DNAH7: variants seen among roughly 807,000 people sequenced by gnomAD.
DNAH7 encodes dynein axonemal heavy chain 7, also known as axonemal beta dynein heavy chain 7.
A neutral mutation model predicts 444.6 loss-of-function variants in DNAH7; 397 were observed. The observed-to-expected ratio is 0.89, with a 90% CI of 0.82 to 0.97. The LOEUF is 0.97. Among genes scored for constraint, DNAH7 ranks in the 50% least tolerant of loss-of-function variants. DNAH7 has a pLI of 0.00. For missense variants in DNAH7, 4,902 were observed against 4,800.8 expected, an observed-to-expected ratio of 1.02 and a Z score of -0.62; for synonymous variants, 1,636 against 1,624.4, an observed-to-expected ratio of 1.01 and a Z score of -0.17.
intron 14 of DNAH7, 22 bp downstream of exon 14, chr2:195,987,044 A>C: frequency 6.4e-7 from 1 of 1,554,612 alleles, no homozygotes; most frequent in Non-Finnish European, 8.6e-7. Context: ...AAAAAATAAA[A>C]AAACCAGTAT....
intron 15 of DNAH7, among the ~76,000 whole-genome samples, chr2:195,976,142 G>A (rs1692171845): frequency 6.6e-6 from 1 of 151,912 alleles, no homozygotes; most frequent in Non-Finnish European, 1.5e-5. Context: ...CCCAATTCCA[G>A]GCCTTGGCTG....
intron 63 of DNAH7, among the ~76,000 whole-genome samples, chr2:195,749,723 A>G (rs1459734533): frequency 1.3e-5 from 2 of 151,714 alleles, no homozygotes; most frequent in East Asian, 1.9e-4. Flanking sequence ...TCAGTAAACT[A>G]TCGCAAGAAC....
intron 56 of DNAH7, among the ~76,000 whole-genome samples, chr2:195,795,542 A>G (rs1447553551): frequency 6.6e-6 from 1 of 152,242 alleles, no homozygotes; most frequent in African/African-American, 2.4e-5. Context: ...AATAAAAGTG[A>G]AAGAAGTTCA....
chr2:195,864,080 A>C (rs986374831), intron 41 of DNAH7, 69 bp downstream of exon 41: 7 of 1,509,256 alleles, frequency 4.6e-6, no homozygotes, highest in Admixed American at 1.9e-5. Context: ...GGGAATCTAT[A>C]AAATAAGTCA....
At chr2:196,004,337 A>C (rs1694228450) in intron 10 of DNAH7, among the ~76,000 whole-genome samples, 1 of 152,182 alleles carries the variant, frequency 6.6e-6, no homozygotes, top group Non-Finnish European at 1.5e-5. Flanking sequence ...CTGGGGATTA[A>C]GAGGAAGGGA....
chr2:195,990,664 A>G (rs1463919027), intron 12 of DNAH7, among the ~76,000 whole-genome samples: 1 of 151,580 alleles, frequency 6.6e-6, no homozygotes, highest in Non-Finnish European at 1.5e-5. Flanking sequence ...GTCTCGAAAA[A>G]AAAAGTTATT....
chr2:196,044,207 G>A (rs1452657435), intron 5 of DNAH7, among the ~76,000 whole-genome samples: 3 of 150,676 alleles, frequency 2.0e-5, no homozygotes, highest in South Asian at 4.2e-4. Flanking sequence ...ATATATATGT[G>A]TGTGTGTGTG....
chr2:195,895,071 C>A lies in DNAH7; in HGVS notation c.4801G>T (p.Val1601Leu). The A allele has an allele frequency of 3.1e-6, 5 of 1,613,488 alleles. No homozygotes were observed. Among genetic ancestry groups the A allele is most frequent in the Non-Finnish European group, 4.2e-6 (5 of 1,179,638 alleles). The change falls in exon 30 of 65, where the codon GTG (valine) becomes TTG (leucine). Residue 1601 changes from valine to leucine, a missense_variant. By Grantham distance (32) the Val-to-Leu change is conservative. Transcript: ENST00000312428. ...CCAACAATCATAAAACCATGACGCA[C>A]AATCATCATTTCATATACTTGAAGA... ...KILQVYEMMI[V>L]RHGFMIVGEP...
intron 57 of DNAH7, among the ~76,000 whole-genome samples, chr2:195,791,791 T>C (rs980829474): frequency 4.6e-5 from 7 of 152,072 alleles, no homozygotes; most frequent in African/African-American, 1.7e-4. Context: ...CCTAAGACAG[T>C]TAATGCAGGA....
chr2:196,038,682 T>G (rs1016753850), intron 5 of DNAH7, among the ~76,000 whole-genome samples: 1 of 152,190 alleles, frequency 6.6e-6, no homozygotes, highest in Non-Finnish European at 1.5e-5. Context: ...AGAATTTGCA[T>G]GGTATATCTT....
At chr2:196,047,331 T>C (rs1294467283) in intron 5 of DNAH7, 21 bp downstream of exon 5, 10 of 1,530,252 alleles carry the variant, frequency 6.5e-6, no homozygotes, top group Non-Finnish European at 7.9e-6. Context: ...TAACACGTAA[T>C]GGTTAGCCTA....
chr2:195,756,058 T>A (rs1314869622), intron 62 of DNAH7, 75 bp downstream of exon 62: 5 of 1,463,034 alleles, frequency 3.4e-6, no homozygotes, highest in Non-Finnish European at 4.6e-6. Flanking sequence ...GTAATACTCA[T>A]TACATTAAGC....
chr2:195,806,976 TATAAA>T (rs1441864043), intron 53 of DNAH7, 144 bp from the exon 54 acceptor site: 4 of 569,610 alleles, frequency 7.0e-6, no homozygotes, highest in Non-Finnish European at 1.2e-5. Context: ...GTTGGGACAT[TATAAA>T]ATAAATAATA....
intron 64 of DNAH7, among the ~76,000 whole-genome samples, chr2:195,738,530 C>T (rs554306666): frequency 6.6e-6 from 1 of 152,202 alleles, no homozygotes; most frequent in East Asian, 1.9e-4. Flanking sequence ...TTTTTATCAA[C>T]AGCTGTATAG....
At position 196,068,737 on chromosome 2, in the gene DNAH7, C is replaced by T. The variant is rs773038841; in HGVS notation, c.-26G>A. The T allele has an allele frequency of 1.9e-5, 30 of 1,550,630 alleles. No individual in the cohort carries two copies. Among genetic ancestry groups the T allele is most frequent in the Non-Finnish European group, 2.6e-5 (30 of 1,147,188 alleles). ...GGCTGCGAGGACGCGCTGGCCTCAC[C>T]GGTGCTTCTGGGTTGCTCCTGCCCG... On this transcript the variant is annotated 5_prime_UTR_variant, in exon 1 of 65. Coordinates refer to ENST00000312428, the MANE Select transcript of DNAH7 (RefSeq NM_018897.3).
At chr2:196,044,689 A>G (rs542528150) in intron 5 of DNAH7, among the ~76,000 whole-genome samples, 1 of 152,300 alleles carries the variant, frequency 6.6e-6, no homozygotes, top group East Asian at 1.9e-4. Flanking sequence ...TCTACAGCCA[A>G]CTTAACCATT....
rs963146789 is a variant in DNAH7 at position 195,960,907 on chromosome 2, C to T, written c.2244G>A (p.Trp748Ter). The change falls in exon 18 of 65, where the codon TGG (tryptophan) becomes TGA (stop). Residue 748 changes from tryptophan to a stop codon, truncating the protein, a stop_gained. Transcript: ENST00000312428. LOFTEE classifies it high-confidence loss of function. ...TACGTTGAGGATATACAGATGGTAGCCAACCAAATGCTTCCTCTTCAGCAT... is the reference window on the plus strand; with the variant it reads ...TACGTTGAGGATATACAGATGGTAGTCAACCAAATGCTTCCTCTTCAGCAT... ...QFNAEEEAFG[W>*]LPSVYPQRKK... The T allele has an allele frequency of 6.2e-7, 1 of 1,607,752 alleles. No homozygotes were observed. The highest frequency in any genetic ancestry group is 8.5e-7 in the Non-Finnish European group (1 of 1,175,836).
At chr2:195,915,753 C>T (rs531489240) in intron 24 of DNAH7, among the ~76,000 whole-genome samples, 11 of 152,014 alleles carry the variant, frequency 7.2e-5, no homozygotes, top group Non-Finnish European at 1.5e-4. Flanking sequence ...GAATTAGATC[C>T]ACTATTTTTT....
At chr2:195,835,230 C>A (rs954934029) in intron 47 of DNAH7, among the ~76,000 whole-genome samples, 1 of 152,066 alleles carries the variant, frequency 6.6e-6, no homozygotes, top group Admixed American at 6.6e-5. Context: ...TCTAAAGATA[C>A]TGCCACACCC....
Sources: gnomAD v4.1 joint callset for allele counts (sites outside exome capture counted in the v4.1 genomes callset) on GRCh38, gnomAD v4.1.1 for gene constraint, MANE v1.5 for transcripts, NCBI Gene and HGNC (gene_info 2026-07-23, HGNC 2026-07-21) for gene names.